Variants in SNAP47 observed in about 807,000 individuals in gnomAD.
The protein encoded by SNAP47 is synaptosomal-associated protein 47.
SNAP47 carries 20 observed loss-of-function variants against 31.4 expected under a neutral mutation model. The observed-to-expected ratio is 0.64, with a 90% CI of 0.45 to 0.93. The LOEUF (loss-of-function observed/expected upper bound fraction) is 0.93. Among genes scored for constraint, SNAP47 ranks in the 40% least tolerant of loss-of-function variants. The pLI, the probability that SNAP47 is intolerant of heterozygous loss-of-function variation, is 0.00. For synonymous variants in SNAP47, 194 were observed against 213.4 expected (o/e 0.91, Z 0.79); for missense variants, 492 against 528.5 (o/e 0.93, Z 0.68).
intron 1 of SNAP47, among the ~76,000 whole-genome samples, chr1:227,744,807 A>T (rs927104378): frequency 6.6e-6 from 1 of 152,186 alleles, no homozygotes; most frequent in African/African-American, 2.4e-5. Context: ...TCCCAGGGAT[A>T]GTCCTGCCTC....
chr1:227,765,126 A>G (rs1471714412), intron 3 of SNAP47, among the ~76,000 whole-genome samples: 1 of 152,222 alleles, frequency 6.6e-6, no homozygotes, highest in Non-Finnish European at 1.5e-5. Flanking sequence ...ACAGTCCTTC[A>G]GCTCCCAACA....
chr1:227,734,438 T>A, upstream of SNAP47: 1 of 397,140 alleles, frequency 2.5e-6, no homozygotes, highest in Non-Finnish European at 4.5e-6. Flanking sequence ...GAGATCTCTC[T>A]CAAAAAAAAA....
At chr1:227,740,489 G>T (rs1423836489) in intron 1 of SNAP47, among the ~76,000 whole-genome samples, 1 of 152,128 alleles carries the variant, frequency 6.6e-6, no homozygotes, top group Non-Finnish European at 1.5e-5. Context: ...CTTGGATGGT[G>T]GAACTGTGGA....
At chr1:227,744,344 G>A (rs1661817662) in intron 1 of SNAP47, among the ~76,000 whole-genome samples, 1 of 152,116 alleles carries the variant, frequency 6.6e-6, no homozygotes, top group African/African-American at 2.4e-5. Flanking sequence ...ACAGCTGATT[G>A]GCATGTATGC....
At chr1:227,737,194 A>G (rs1050069968) in intron 1 of SNAP47, among the ~76,000 whole-genome samples, 1 of 152,180 alleles carries the variant, frequency 6.6e-6, no homozygotes, top group Non-Finnish European at 1.5e-5. Flanking sequence ...ATCAGCTCAA[A>G]GCTACCCACA....
At chr1:227,764,014 T>C (rs1663231687) in intron 3 of SNAP47, among the ~76,000 whole-genome samples, 2 of 152,320 alleles carry the variant, frequency 1.3e-5, no homozygotes, top group African/African-American at 4.8e-5. Flanking sequence ...CCCTGGGCTC[T>C]TCCTGGGCTG....
At chr1:227,740,430 C>T (rs896699524) in intron 1 of SNAP47, among the ~76,000 whole-genome samples, 3 of 152,132 alleles carry the variant, frequency 2.0e-5, no homozygotes, top group African/African-American at 7.2e-5. Flanking sequence ...AGGATGAGGT[C>T]AGGAGGTTGC....
chr1:227,769,826 G>A (rs1663677699), intron 4 of SNAP47, among the ~76,000 whole-genome samples: 1 of 152,208 alleles, frequency 6.6e-6, no homozygotes, highest in South Asian at 2.1e-4. Flanking sequence ...TGGACGCGGT[G>A]CCTGGACACA....
chr1:227,759,615 C>G, intron 3 of SNAP47, 130 bp downstream of exon 3: 1 of 1,266,094 alleles, frequency 7.9e-7, no homozygotes. Flanking sequence ...TTGCTAGAGA[C>G]AGCTCGTTTG....
At chr1:227,776,465 G>T in intron 4 of SNAP47, 1 of 985,794 alleles carries the variant, frequency 1.0e-6, no homozygotes, top group Non-Finnish European at 1.2e-6. Flanking sequence ...TTTGCGCCTC[G>T]CCTCTGACTC....
rs1179614247 is a variant in SNAP47 at position 227,766,990 on chromosome 1, T to TGAGCCACCCGCA, written c.1022_1033dup (p.Glu341_Ala344dup). 1 of 1,613,892 alleles carries TGAGCCACCCGCA rather than the reference T, an allele frequency of 6.2e-7. No individual in the cohort carries two copies. Among genetic ancestry groups the TGAGCCACCCGCA allele is most frequent in the Non-Finnish European group, 8.5e-7 (1 of 1,179,996 alleles). On this transcript the variant is annotated inframe_insertion, in exon 4 of 5. Coordinates refer to ENST00000617596, the MANE Select transcript of SNAP47 (RefSeq NM_053052.4). ...GGCTGATGGGCCGTACCCTGCACCG[T>TGAGCCACCCGCA]GAGCCACCCGCAGGAGACCAGGAGG...
intron 1 of SNAP47, chr1:227,746,364 C>A (rs1279965035): frequency 3.3e-5 from 5 of 152,290 alleles, no homozygotes; most frequent in African/African-American, 9.6e-5. Flanking sequence ...AGTGGTTGCA[C>A]ACCCTGTGGT....
At chr1:227,733,301 C>T, upstream of SNAP47, 1 of 1,184,820 alleles carries the variant, frequency 8.4e-7, no homozygotes, top group Non-Finnish European at 1.2e-6. Context: ...GGGTCAGCCT[C>T]ACCCATGAGC....
chr1:227,746,691 C>T (rs1661984484), intron 1 of SNAP47: 1 of 152,220 alleles, frequency 6.6e-6, no homozygotes, highest in Non-Finnish European at 1.5e-5. Context: ...ATGGAAAGCC[C>T]ACACTTTTTG....
upstream of SNAP47, chr1:227,734,520 A>T: frequency 2.5e-6 from 2 of 787,538 alleles, no homozygotes; most frequent in Non-Finnish European, 4.1e-6. Context: ...AGTTTCTTTT[A>T]AACTGATTAA....
intron 2 of SNAP47, among the ~76,000 whole-genome samples, chr1:227,758,115 G>T (rs761243231): frequency 5.9e-5 from 9 of 152,208 alleles, no homozygotes; most frequent in Non-Finnish European, 1.0e-4. Flanking sequence ...ACAGAATCTG[G>T]AGTCTCCTGC....
exon 1 of SNAP47, chr1:227,728,766 G>C (rs2102848642): frequency 6.6e-6 from 1 of 152,238 alleles, no homozygotes; most frequent in South Asian, 2.1e-4. Context: ...CGCTGTGGCG[G>C]GAAGATGGCC....
At chr1:227,735,883 G>T (rs1661107650) in intron 1 of SNAP47, among the ~76,000 whole-genome samples, 1 of 151,106 alleles carries the variant, frequency 6.6e-6, no homozygotes, top group South Asian at 2.1e-4. Flanking sequence ...ACCTGGAGGG[G>T]ATGGGGACAG....
At chr1:227,751,247 GTC>G (rs1662330874) in intron 2 of SNAP47, among the ~76,000 whole-genome samples, 1 of 152,142 alleles carries the variant, frequency 6.6e-6, no homozygotes, top group African/African-American at 2.4e-5. Flanking sequence ...GCACCGCCAC[GTC>G]TCTCTCCTGC....
Sources: allele counts gnomAD v4.1 joint callset (sites outside exome capture counted in the v4.1 genomes callset), GRCh38; gene constraint gnomAD v4.1.1; transcripts MANE v1.5; gene names NCBI Gene and HGNC (gene_info 2026-07-23, HGNC 2026-07-21).